Variants in BRDT observed in about 807,000 individuals in gnomAD.
The protein encoded by BRDT is bromodomain testis associated.
Under a neutral mutation model 113.9 loss-of-function variants are expected in BRDT, and 77 were observed. The observed-to-expected ratio is 0.68, with a 90% CI of 0.56 to 0.82. The LOEUF is 0.82. BRDT is among the 40% of genes least tolerant of loss of function. The pLI is 0.00. For missense variants in BRDT, 1,027 were observed against 1,105.4 expected (o/e 0.93, Z 1.01); for synonymous variants, 358 against 366.5 (o/e 0.98, Z 0.26).
chr1:91,950,673 GT>G (rs1039622626), intron 1 of BRDT: 9 of 145,546 alleles, frequency 6.2e-5, no homozygotes, highest in African/African-American at 2.3e-4. Flanking sequence ...GGATGTGACA[GT>G]GGATAATTGC....
chr1:91,962,975 CA>C (rs748249353), intron 2 of BRDT, 29 bp downstream of exon 2: 11 of 1,458,408 alleles, frequency 7.5e-6, no homozygotes, highest in South Asian at 4.4e-5. Flanking sequence ...ATGTTAGTTT[CA>C]AAAAAAGAAA....
chr1:91,990,421 T>A (rs1050786166), intron 12 of BRDT, among the ~76,000 whole-genome samples: 2 of 152,200 alleles, frequency 1.3e-5, no homozygotes, highest in African/African-American at 4.8e-5. Context: ...ATAAATGACA[T>A]CCCCTTCTCT....
chr1:91,992,183 C>T (rs1197749676), intron 13 of BRDT, 81 bp from the exon 14 acceptor site: 3 of 713,640 alleles, frequency 4.2e-6, no homozygotes, highest in African/African-American at 1.9e-5. Context: ...CTTAAAAGAG[C>T]TCTAATTTGT....
chr1:91,977,609 G>A, intron 6 of BRDT: 1 of 337,698 alleles, frequency 3.0e-6, no homozygotes, highest in Non-Finnish European at 5.2e-6. Flanking sequence ...AGTGGCTCAT[G>A]CCTGTAATCT....
chr1:92,013,995 A>G (rs1363812024), intron 18 of BRDT, among the ~76,000 whole-genome samples: 1 of 152,164 alleles, frequency 6.6e-6, no homozygotes, highest in Non-Finnish European at 1.5e-5. Context: ...TATTTATTAC[A>G]TGAACAATAT....
intron 15 of BRDT, among the ~76,000 whole-genome samples, chr1:91,999,430 C>T (rs544469739): frequency 3.3e-5 from 5 of 152,256 alleles, no homozygotes; most frequent in Middle Eastern, 3.4e-3. Context: ...TTTTATGACA[C>T]CTCTCTTAAC....
At position 91,962,089 on chromosome 1, in the gene BRDT, G is replaced by A. The variant is rs1042830149; in HGVS notation, c.-37-629G>A. Among the ~76,000 whole-genome samples the A allele has an allele frequency of 6.3e-5, 8 of 127,552 alleles. 1 individual carries two copies. Among genetic ancestry groups the A allele is most frequent in the Non-Finnish European group, 1.1e-4 (7 of 62,030 alleles). 83.7% of individuals were successfully genotyped at this position (127,552 alleles called of 152,430 possible). A position where few individuals can be genotyped will look rare whatever the true frequency, so the allele number is the denominator to read the frequency against. On this transcript the variant is annotated intron_variant, in intron 1 of 18. Coordinates refer to ENST00000399546, the MANE Select transcript of BRDT (RefSeq NM_207189.4). ...GAACCCGGGAGGCGGAGCTTGCAGT[G>A]AGCCGAGATGGAGCCACTGCACTCC...
intron 12 of BRDT, among the ~76,000 whole-genome samples, chr1:91,985,168 G>A (rs901601074): frequency 3.9e-5 from 6 of 152,046 alleles, no homozygotes; most frequent in African/African-American, 9.7e-5. Context: ...TGCAACCTCC[G>A]ACTCCCGGGT....
chr1:91,958,272 G>T (rs1682024573), intron 1 of BRDT, among the ~76,000 whole-genome samples: 2 of 141,830 alleles, frequency 1.4e-5, no homozygotes, highest in African/African-American at 5.2e-5. Flanking sequence ...CTGGAGTCCA[G>T]TGGTGGGATC....
chr1:91,977,838 C>G (rs1050580949), intron 6 of BRDT, among the ~76,000 whole-genome samples: 1 of 151,992 alleles, frequency 6.6e-6, no homozygotes, highest in Non-Finnish European at 1.5e-5. Flanking sequence ...CCACTGCACT[C>G]CAGGCTGGGT....
intron 15 of BRDT, among the ~76,000 whole-genome samples, chr1:92,001,199 T>A (rs4658286): frequency 0.77 from 116,555 of 152,076 alleles, 45,797 homozygotes; most frequent in Non-Finnish European, 0.85. Flanking sequence ...GGCTTGGCCT[T>A]ATTAAAACCC....
chr1:92,009,545 CTTTTTTT>C (rs59044630), intron 18 of BRDT, among the ~76,000 whole-genome samples: 3 of 103,412 alleles, frequency 2.9e-5, no homozygotes, highest in South Asian at 3.5e-4. Context: ...CAACTTGCCA[CTTTTTTT>C]TTTTTTTTTT....
At position 91,992,194 on chromosome 1, in the gene BRDT, G is replaced by A. The variant is rs550343708; in HGVS notation, c.2065-70G>A. On this transcript the variant is annotated intron_variant, in intron 13 of 18. Transcript: ENST00000399546. ...CTGTCTTAAAAGAGCTCTAATTTGT[G>A]AAAAAGAAATATAATCACATGGTTA... The A allele has an allele frequency of 5.7e-6, 5 of 871,030 alleles. No individual in the cohort carries two copies. In the East Asian group the frequency reaches 1.6e-4, roughly 28 times the overall value. 54.0% of individuals were successfully genotyped at this position (871,030 alleles called of 1,614,324 possible).
intron 1 of BRDT, among the ~76,000 whole-genome samples, chr1:91,955,037 CTG>C (rs907389828): frequency 3.3e-5 from 5 of 152,086 alleles, no homozygotes; most frequent in African/African-American, 7.2e-5. Context: ...AATGGTAACT[CTG>C]TACTTTTTTC....
At chr1:91,952,442 G>T (rs188723896) in intron 1 of BRDT, among the ~76,000 whole-genome samples, 3 of 152,168 alleles carry the variant, frequency 2.0e-5, no homozygotes, top group African/African-American at 4.8e-5. Flanking sequence ...GGGGCTCTTC[G>T]GCTGAATGCT....
chr1:91,989,562 T>C (rs1204844166), intron 12 of BRDT, among the ~76,000 whole-genome samples: 1 of 151,936 alleles, frequency 6.6e-6, no homozygotes, highest in Non-Finnish European at 1.5e-5. Flanking sequence ...GGTTTCAACT[T>C]GTTGGCCAGG....
At chr1:92,011,377 T>G (rs1687781578) in intron 18 of BRDT, among the ~76,000 whole-genome samples, 1 of 152,244 alleles carries the variant, frequency 6.6e-6, no homozygotes. Context: ...TAAACTTTAA[T>G]TTTAATGAAC....
At chr1:91,959,301 G>A (rs1682154310) in intron 1 of BRDT, among the ~76,000 whole-genome samples, 1 of 152,082 alleles carries the variant, frequency 6.6e-6, no homozygotes, top group African/African-American at 2.4e-5. Flanking sequence ...TACAGTGACA[G>A]GGGCACCTAA....
chr1:91,994,209 C>T lies in BRDT; in HGVS notation c.2242C>T (p.Gln748Ter). 3.1e-6 allele frequency: 5 copies of T among 1,612,570 alleles called. No homozygotes were observed. The highest frequency in any genetic ancestry group is 4.2e-6 in the Non-Finnish European group (5 of 1,179,388). ...AFNYQELEHL[Q>*]TVKNISPLQI... ...TAATTATCAAGAATTAGAACATTTA[C>T]AGACTGTGAAAAACATTTCACCTTT... Residue 748 changes from glutamine (Q) to a stop codon, truncating the protein, a stop_gained, in exon 15 of 19, where the codon CAG becomes TAG. Coordinates refer to ENST00000399546, the MANE Select transcript of BRDT (RefSeq NM_207189.4). LOFTEE classifies it high-confidence loss of function.
Sources: gnomAD v4.1 joint callset for allele counts (sites outside exome capture counted in the v4.1 genomes callset) on GRCh38, gnomAD v4.1.1 for gene constraint, MANE v1.5 for transcripts, NCBI Gene and HGNC (gene_info 2026-07-23, HGNC 2026-07-21) for gene names.